The following SMARCA2 variants were observed in gnomAD, a reference collection of about 807,000 sequenced individuals.
The protein encoded by SMARCA2 is SWI/SNF-related matrix-associated actin-dependent regulator of chromatin subfamily A member 2.
SMARCA2 carries 61 observed loss-of-function variants against 199.8 expected under a neutral mutation model. The observed-to-expected ratio is 0.31, with a 90% CI of 0.25 to 0.38. SMARCA2 has a LOEUF of 0.38. Ranked by LOEUF, SMARCA2 falls within the 10% of genes least tolerant of loss-of-function variation. SMARCA2 has a pLI of 1.00. For missense variants in SMARCA2, 1,344 were observed against 2,012.2 expected (o/e 0.67, Z 6.35); for synonymous variants, 935 against 732.0 (o/e 1.28, Z -4.48).
chr9:2,077,593 T>A (rs775873320), intron 13 of SMARCA2, 36 bp from the exon 14 acceptor site: 108 of 1,597,008 alleles, frequency 6.8e-5, no homozygotes, highest in Middle Eastern at 1.7e-4. Context: ...TGCACGCACA[T>A]GTCTGTGTGT....
At chr9:2,172,173 A>G (rs558313729) in intron 29 of SMARCA2, among the ~76,000 whole-genome samples, 1 of 152,288 alleles carries the variant, frequency 6.6e-6, no homozygotes, top group African/African-American at 2.4e-5. Flanking sequence ...CCCTTTCTTC[A>G]GAAGAGCTTT....
chr9:2,041,208 A>AAG, intron 4 of SMARCA2: 1 of 397,122 alleles, frequency 2.5e-6, no homozygotes, highest in Non-Finnish European at 4.4e-6. Flanking sequence ...AGGCCTACCT[A>AAG]AGAGATATCC....
At chr9:2,067,142 C>G (rs564964400) in intron 9 of SMARCA2, among the ~76,000 whole-genome samples, 1 of 152,298 alleles carries the variant, frequency 6.6e-6, no homozygotes, top group South Asian at 2.1e-4. Context: ...GGCATGCTTG[C>G]GAGGAAAGTC....
chr9:2,174,469 G>A lies in SMARCA2; in HGVS notation c.4253+3997G>A, dbSNP rs1040535708. 2.2e-4 allele frequency among the ~76,000 whole-genome samples: 34 copies of A among 152,178 alleles called. 1 individual carries two copies. Among genetic ancestry groups the A allele is most frequent in the Admixed American group, 6.5e-5 (1 of 15,280 alleles). ...ACAACAGCCATTGTAGGAAAAAGCA[G>A]CACTCCGGTGCCTGCCACGACCCAC... On this transcript the variant is annotated intron_variant, in intron 29 of 33. Transcript: ENST00000349721.
At chr9:2,109,194 G>T (rs1488649156) in intron 23 of SMARCA2, among the ~76,000 whole-genome samples, 1 of 152,208 alleles carries the variant, frequency 6.6e-6, no homozygotes, top group Non-Finnish European at 1.5e-5. Context: ...TGAACAGCAT[G>T]TAGGAATAAT....
At chr9:2,120,105 C>T (rs972844205) in intron 26 of SMARCA2, among the ~76,000 whole-genome samples, 1 of 152,200 alleles carries the variant, frequency 6.6e-6, no homozygotes, top group African/African-American at 2.4e-5. Context: ...TGAATGGGAA[C>T]CTTCAAGGTG....
At chr9:2,097,710 A>G (rs1352798979) in intron 21 of SMARCA2, among the ~76,000 whole-genome samples, 1 of 152,230 alleles carries the variant, frequency 6.6e-6, no homozygotes, top group Admixed American at 6.5e-5. Flanking sequence ...AAGAGTTTAA[A>G]GTGGAGAGAA....
chr9:2,051,463 A>G (rs1476320391), intron 5 of SMARCA2, among the ~76,000 whole-genome samples: 1 of 151,942 alleles, frequency 6.6e-6, no homozygotes, highest in African/African-American at 2.4e-5. Context: ...CCCACCCCCC[A>G]TCTCCTCATT....
intron 19 of SMARCA2, among the ~76,000 whole-genome samples, chr9:2,095,885 A>ATTT (rs1822254010): frequency 6.6e-6 from 1 of 152,210 alleles, no homozygotes; most frequent in Non-Finnish European, 1.5e-5. Flanking sequence ...ATTCTTTATT[A>ATTT]AATAAAGAAA....
At chr9:2,134,262 T>A (rs1824097794) in intron 27 of SMARCA2, among the ~76,000 whole-genome samples, 2 of 152,214 alleles carry the variant, frequency 1.3e-5, no homozygotes, top group South Asian at 4.1e-4. Flanking sequence ...ACAATATGTT[T>A]ACTTGCTGAA....
At chr9:2,146,392 G>A (rs1206007035) in intron 27 of SMARCA2, among the ~76,000 whole-genome samples, 1 of 152,118 alleles carries the variant, frequency 6.6e-6, no homozygotes, top group Non-Finnish European at 1.5e-5. Context: ...ATCAGGATGG[G>A]TAGGATCAGA....
intron 14 of SMARCA2, among the ~76,000 whole-genome samples, chr9:2,078,647 A>C (rs1477203021): frequency 6.6e-6 from 1 of 151,982 alleles, no homozygotes; most frequent in Non-Finnish European, 1.5e-5. Flanking sequence ...ATTGTTCCTT[A>C]AAAATTAAAA....
intron 5 of SMARCA2, among the ~76,000 whole-genome samples, chr9:2,048,548 G>A (rs10115765): frequency 0.4 from 61,458 of 151,770 alleles, 14,975 homozygotes; most frequent in African/African-American, 0.7. Flanking sequence ...CTTTTAAAAG[G>A]TTACCTTAAT....
chr9:2,114,142 G>A (rs1177154645), intron 24 of SMARCA2, among the ~76,000 whole-genome samples: 5 of 152,094 alleles, frequency 3.3e-5, no homozygotes, highest in African/African-American at 9.7e-5. Context: ...GGAGAGGGAC[G>A]GTTGAACTAA....
chr9:2,118,815 T>C (rs1040635394), intron 25 of SMARCA2, among the ~76,000 whole-genome samples: 1 of 152,210 alleles, frequency 6.6e-6, no homozygotes, highest in African/African-American at 2.4e-5. Context: ...ATTTAAATTA[T>C]TTTAATTAAG....
chr9:2,104,931 C>T lies in SMARCA2; in HGVS notation c.3292+762C>T, dbSNP rs1275887265. On this transcript the variant is annotated intron_variant, in intron 23 of 33. Coordinates refer to ENST00000349721, the MANE Select transcript of SMARCA2 (RefSeq NM_003070.5). This position sits in a 1 kb window ranked among gnomAD's most constrained non-coding sequence, Gnocchi z 4.0. ...GTAAGTAGGAATAGAAGTTAATTTA[C>T]AGTCAGGATGCTATTTAATCCCTGG... is the stretch of plus-strand genomic sequence containing the variant. 6.6e-6 allele frequency among the ~76,000 whole-genome samples: 1 copy of T among 152,128 alleles called. No individual in the cohort carries two copies. The highest frequency in any genetic ancestry group is 1.5e-5 in the Non-Finnish European group (1 of 68,010).
chr9:2,165,572 G>A (rs1386892005), intron 28 of SMARCA2, among the ~76,000 whole-genome samples: 3 of 152,166 alleles, frequency 2.0e-5, no homozygotes, highest in African/African-American at 4.8e-5. Context: ...TTTATATCAA[G>A]TAGTACCAGA....
rs1002589949 is a variant in SMARCA2 at position 2,193,178 on chromosome 9, T to C, written c.*439T>C. ...TTCATCAGGCAATTTTCGAGGTTTTTATTTGTTCGGTATTGTTTTTTTACA... is the reference window on the plus strand; with the variant it reads ...TTCATCAGGCAATTTTCGAGGTTTTCATTTGTTCGGTATTGTTTTTTTACA... On this transcript the variant is annotated 3_prime_UTR_variant, in exon 34 of 34. Coordinates refer to ENST00000349721, the MANE Select transcript of SMARCA2 (RefSeq NM_003070.5). 5 of 159,490 alleles carry C rather than the reference T, an allele frequency of 3.1e-5. No homozygotes were observed. The highest frequency in any genetic ancestry group is 1.3e-4 in the Admixed American group (2 of 15,746). The allele number at this position is 159,490 out of a possible 1,614,324, so 9.9% of individuals were successfully genotyped here.
At chr9:2,175,869 G>GT (rs542493209) in intron 29 of SMARCA2, among the ~76,000 whole-genome samples, 144 of 150,242 alleles carry the variant, frequency 9.6e-4, no homozygotes, top group South Asian at 7.7e-3. Context: ...GTTTTTTTGG[G>GT]TTTTTTTTGT....
Sources: gnomAD v4.1 joint callset for allele counts (sites outside exome capture counted in the v4.1 genomes callset) on GRCh38, gnomAD v4.1.1 for gene constraint, Gnocchi (gnomAD v3.1) non-coding constraint, MANE v1.5 for transcripts, NCBI Gene and HGNC (gene_info 2026-07-23, HGNC 2026-07-21) for gene names.